The following ZNF609 variants were observed in gnomAD, a reference collection of about 807,000 sequenced individuals.
The protein encoded by ZNF609 is zinc finger protein 609.
Under a neutral mutation model 109.5 loss-of-function variants are expected in ZNF609, and 11 were observed. The observed-to-expected ratio is 0.10, with a 90% CI of 0.06 to 0.17. The LOEUF (loss-of-function observed/expected upper bound fraction) is 0.17, where lower values mean the gene tolerates loss of function less well. ZNF609 is among the 10% of genes least tolerant of loss of function. The probability of loss-of-function intolerance (pLI) is 1.00; values close to 1 mark genes in which losing one functional copy is unlikely to be tolerated. For missense variants in ZNF609, 1,559 were observed against 1,772.4 expected (o/e 0.88, Z 2.16); for synonymous variants, 646 against 662.0 (o/e 0.98, Z 0.37).
intron 2 of ZNF609, among the ~76,000 whole-genome samples, chr15:64,560,591 G>A (rs776562819): frequency 9.9e-5 from 15 of 152,116 alleles, no homozygotes; most frequent in Non-Finnish European, 1.3e-4. Flanking sequence ...CCATCTGTGT[G>A]CATTCACGCA....
chr15:64,574,805 G>A (rs977520931), intron 2 of ZNF609, among the ~76,000 whole-genome samples: 4 of 152,114 alleles, frequency 2.6e-5, no homozygotes, highest in African/African-American at 9.7e-5. Flanking sequence ...TGCAGCCTCT[G>A]TGGTTTGCTG....
At chr15:64,677,201 C>A (rs528861928) in intron 5 of ZNF609, among the ~76,000 whole-genome samples, 1 of 152,054 alleles carries the variant, frequency 6.6e-6, no homozygotes, top group African/African-American at 2.4e-5. Flanking sequence ...TTAACCAGGA[C>A]TACAGATGCA....
chr15:64,537,502 C>CAAA (rs546622262), intron 2 of ZNF609, among the ~76,000 whole-genome samples: 3 of 84,566 alleles, frequency 3.5e-5, no homozygotes, highest in African/African-American at 1.5e-4. Context: ...AACTCTGTCT[C>CAAA]AAAAAAAAAA....
At chr15:64,529,565 G>T in intron 2 of ZNF609, 3 of 1,359,654 alleles carry the variant, frequency 2.2e-6, no homozygotes, top group South Asian at 1.2e-5. Context: ...TCAATGAAGG[G>T]GTCATTGATG....
At chr15:64,461,426 T>G (rs1892939472) in intron 1 of ZNF609, among the ~76,000 whole-genome samples, 1 of 151,898 alleles carries the variant, frequency 6.6e-6, no homozygotes, top group African/African-American at 2.4e-5. Context: ...ACTGCTATCC[T>G]TGTACCCCCG....
At chr15:64,505,942 T>C (rs1893631749) in intron 2 of ZNF609, among the ~76,000 whole-genome samples, 1 of 151,934 alleles carries the variant, frequency 6.6e-6, no homozygotes, top group Non-Finnish European at 1.5e-5. Context: ...ACTAGTGCAC[T>C]CCAGCCTGGG....
At chr15:64,604,815 A>G (rs1435619460) in intron 2 of ZNF609, among the ~76,000 whole-genome samples, 4 of 151,832 alleles carry the variant, frequency 2.6e-5, no homozygotes, top group Non-Finnish European at 5.9e-5. Context: ...TAATTTATTT[A>G]GTTATTTATT....
chr15:64,659,385 T>G (rs1485802735), intron 3 of ZNF609, among the ~76,000 whole-genome samples: 1 of 152,114 alleles, frequency 6.6e-6, no homozygotes, highest in African/African-American at 2.4e-5. Context: ...AACAGACCCT[T>G]AAGAGAATCA....
rs1250248062 is a variant in ZNF609 at position 64,499,893 on chromosome 15, G to A, written c.474G>A (p.Lys158=). Residue 158 remains lysine (K), a synonymous_variant, in exon 2 of 10, where the codon AAG becomes AAA. Coordinates refer to ENST00000326648, the MANE Select transcript of ZNF609 (RefSeq NM_015042.2). ...CCCGCAGTGTAGCCGGTTCCAAAAA[G>A]GAGAAGGAGAACAGCTCATCTAAGA... is the stretch of plus-strand genomic sequence containing the variant. ...KASRSVAGSK[K]EKENSSSKSK... is the part of the protein sequence containing the mutation. The A allele has an allele frequency of 6.8e-6, 11 of 1,613,964 alleles. No individual in the cohort carries two copies. Among genetic ancestry groups the A allele is most frequent in the Non-Finnish European group, 9.3e-6 (11 of 1,180,026 alleles).
At chr15:64,502,110 CTG>C (rs761771725) in intron 2 of ZNF609, 4 of 152,150 alleles carry the variant, frequency 2.6e-5, no homozygotes, top group Admixed American at 2.0e-4. Context: ...GGGAAAGAGA[CTG>C]TGCTTCAGTT....
chr15:64,622,228 C>T (rs1895887394), intron 2 of ZNF609, among the ~76,000 whole-genome samples: 1 of 152,210 alleles, frequency 6.6e-6, no homozygotes, highest in South Asian at 2.1e-4. Context: ...CAGGTTAATC[C>T]CAGCCCTGCT....
Position 64,460,845 on chromosome 15 carries a change from C to G in ZNF609, c.-128+7C>G. 6.8e-6 allele frequency: 1 copy of G among 147,656 alleles called. No individual in the cohort carries two copies. The highest frequency in any genetic ancestry group is 1.5e-5 in the Non-Finnish European group (1 of 67,362). 9.1% of individuals were successfully genotyped at this position (147,656 alleles called of 1,614,324 possible). A position where few individuals can be genotyped will look rare whatever the true frequency, so the allele number is the denominator to read the frequency against. ...TCCCGGGACCGGCCGCGCGGTGAGT[C>G]CGGAGCTTTGTGTGGAGCCGGGACT... On this transcript the variant is annotated splice_region_variant and intron_variant, in intron 1 of 9. Coordinates refer to ENST00000326648, the MANE Select transcript of ZNF609 (RefSeq NM_015042.2).
chr15:64,469,339 G>C (rs988334271), intron 1 of ZNF609, among the ~76,000 whole-genome samples: 6 of 146,482 alleles, frequency 4.1e-5, no homozygotes, highest in Non-Finnish European at 5.9e-5. Context: ...TGGGAGGATC[G>C]CTTGAGCCCA....
At position 64,631,328 on chromosome 15, in the gene ZNF609, T is replaced by C. The variant is rs868156729; in HGVS notation, c.973+8276T>C. On this transcript the variant is annotated intron_variant, in intron 3 of 9. Transcript: ENST00000326648. ...TGCTTAATGTGCTGAATACACACAT[T>C]AATTCTCTTGGCAAGAATCTTGCCC... The C allele has an allele frequency of 7.0e-5, 49 of 704,192 alleles. 1 individual carries two copies. In the Middle Eastern group the frequency reaches 3.9e-3, roughly 56 times the overall value. 43.6% of individuals were successfully genotyped at this position (704,192 alleles called of 1,614,324 possible).
Position 64,543,380 on chromosome 15 carries a change from C to A in ZNF609, c.747+43214C>A, listed in dbSNP as rs191593894. 8.7e-5 allele frequency among the ~76,000 whole-genome samples: 13 copies of A among 149,154 alleles called. No individual in the cohort carries two copies. In the East Asian group the frequency reaches 2.6e-3, roughly 29 times the overall value. On this transcript the variant is annotated intron_variant, in intron 2 of 9. Coordinates refer to ENST00000326648, the MANE Select transcript of ZNF609 (RefSeq NM_015042.2). ...CTTTCTGTTGTTTCATATAATTGTACCTTTGTGTATATATACTTTTTTCTC... is the reference window on the plus strand; with the variant it reads ...CTTTCTGTTGTTTCATATAATTGTAACTTTGTGTATATATACTTTTTTCTC...
chr15:64,586,426 G>C (rs1206300258), intron 2 of ZNF609, among the ~76,000 whole-genome samples: 1 of 152,072 alleles, frequency 6.6e-6, no homozygotes, highest in Non-Finnish European at 1.5e-5. Flanking sequence ...TCCATGGCCT[G>C]TTAGGAACCT....
At chr15:64,510,524 C>T (rs1481533636) in intron 2 of ZNF609, among the ~76,000 whole-genome samples, 1 of 152,100 alleles carries the variant, frequency 6.6e-6, no homozygotes. Flanking sequence ...TTACTGCTCA[C>T]ACCTGCTCTT....
intron 2 of ZNF609, among the ~76,000 whole-genome samples, chr15:64,580,994 C>T (rs1478979538): frequency 3.9e-5 from 4 of 103,222 alleles, no homozygotes; most frequent in African/African-American, 1.6e-4. Flanking sequence ...GAGACAGTCT[C>T]GCTCTGTTGC....
intron 2 of ZNF609, among the ~76,000 whole-genome samples, chr15:64,574,618 T>A (rs1894917942): frequency 6.6e-6 from 1 of 152,168 alleles, no homozygotes; most frequent in African/African-American, 2.4e-5. Flanking sequence ...GGAGTTCAAA[T>A]TCAAGGATTT....
Sources: allele counts gnomAD v4.1 joint callset (sites outside exome capture counted in the v4.1 genomes callset), GRCh38; gene constraint gnomAD v4.1.1; transcripts MANE v1.5; gene names NCBI Gene and HGNC (gene_info 2026-07-23, HGNC 2026-07-21).